The following UNC93A variants were observed in gnomAD, a reference collection of about 807,000 sequenced individuals.
UNC93A encodes unc-93 homolog A.
Under a neutral mutation model 47.5 loss-of-function variants are expected in UNC93A, and 43 were observed. The ratio of observed to expected loss-of-function variants is 0.91; its 90% confidence interval spans 0.71 to 1.17. The LOEUF (loss-of-function observed/expected upper bound fraction) is 1.17, where lower values mean the gene tolerates loss of function less well. Ranked by LOEUF, UNC93A falls within the 50% of genes most tolerant of loss-of-function variation. UNC93A has a pLI of 0.00. For missense variants in UNC93A, 605 were observed against 577.6 expected (o/e 1.05, Z -0.49); for synonymous variants, 280 against 258.0 (o/e 1.09, Z -0.82).
chr6:167,275,232 T>A (rs1783519714), intron 1 of UNC93A, among the ~76,000 whole-genome samples: 2 of 152,220 alleles, frequency 1.3e-5, no homozygotes, highest in Non-Finnish European at 2.9e-5. Flanking sequence ...GTTGGACCAG[T>A]TCAGCCTGTC....
chr6:167,275,136 G>A (rs1416427675), intron 1 of UNC93A, among the ~76,000 whole-genome samples: 1 of 152,158 alleles, frequency 6.6e-6, no homozygotes, highest in Non-Finnish European at 1.5e-5. Flanking sequence ...GTTGCATGCA[G>A]GAGACTTGGG....
At chr6:167,292,761 A>G (rs1783869780) in intron 1 of UNC93A, among the ~76,000 whole-genome samples, 2 of 152,136 alleles carry the variant, frequency 1.3e-5, no homozygotes, top group South Asian at 4.1e-4. Flanking sequence ...TGCATGTTGA[A>G]TGTGGTTGGT....
chr6:167,286,795 C>T (rs1171259514), upstream of UNC93A, among the ~76,000 whole-genome samples: 5 of 151,882 alleles, frequency 3.3e-5, no homozygotes, highest in Admixed American at 2.6e-4. Context: ...CTGGGCAACA[C>T]GGTGAAACCC....
At chr6:167,289,137 C>T (rs1436552553), upstream of UNC93A, among the ~76,000 whole-genome samples, 1 of 152,296 alleles carries the variant, frequency 6.6e-6, no homozygotes, top group African/African-American at 2.4e-5. Context: ...CTCTGAGAGC[C>T]AAGCCAGCTC....
Position 167,315,426 on chromosome 6 carries a change from G to C in UNC93A, c.1348G>C (p.Asp450His). ...HAPGQVNQAE[D>H]EEIQTKM ...TCCAGGACAGGTCAACCAGGCAGAG[G>C]ATGAAGAAATACAAACAAAAATGTG... Residue 450 changes from aspartate (D) to histidine (H), a missense_variant, in exon 8 of 8, where the codon GAT becomes CAT. Transcript: ENST00000230256. 6.2e-7 allele frequency: 1 copy of C among 1,613,962 alleles called. No individual in the cohort carries two copies. Among genetic ancestry groups the C allele is most frequent in the Non-Finnish European group, 8.5e-7 (1 of 1,179,872 alleles).
chr6:167,291,460 C>T lies in UNC93A; in HGVS notation c.-30C>T, dbSNP rs573022733. On this transcript the variant is annotated 5_prime_UTR_variant, in exon 1 of 8. Coordinates refer to ENST00000230256, the MANE Select transcript of UNC93A (RefSeq NM_018974.4). ...TTAGGGAGCTACAAATTTACGTGTTCACTGGTGATTGATCTTTTCATCCAG... is the reference window on the plus strand; with the variant it reads ...TTAGGGAGCTACAAATTTACGTGTTTACTGGTGATTGATCTTTTCATCCAG... 2.9e-4 allele frequency: 463 copies of T among 1,600,334 alleles called. 6 individuals are homozygous for T. In the South Asian group the frequency reaches 5.0e-3, roughly 17 times the overall value.
chr6:167,304,257 C>A, intron 5 of UNC93A, 124 bp downstream of exon 5: 1 of 1,055,472 alleles, frequency 9.5e-7, no homozygotes, highest in Admixed American at 1.9e-5. Context: ...CTGGAGGGAG[C>A]GGGGTCCTAT....
At chr6:167,283,424 G>T (rs1783666300) in intron 1 of UNC93A, among the ~76,000 whole-genome samples, 1 of 152,096 alleles carries the variant, frequency 6.6e-6, no homozygotes, top group Non-Finnish European at 1.5e-5. Context: ...TCCCATCGTG[G>T]CCTGAACTAG....
chr6:167,295,609 C>A (rs1243251767), intron 2 of UNC93A, among the ~76,000 whole-genome samples: 24 of 100,098 alleles, frequency 2.4e-4, no homozygotes, highest in African/African-American at 9.0e-4. Flanking sequence ...CTCCCTCGTG[C>A]TCCTCGCCTC....
At chr6:167,286,581 A>C (rs1487714916), upstream of UNC93A, among the ~76,000 whole-genome samples, 1 of 152,206 alleles carries the variant, frequency 6.6e-6, no homozygotes, top group Non-Finnish European at 1.5e-5. Context: ...TGGTTGTGAG[A>C]GCAAAGGCAC....
intron 5 of UNC93A, among the ~76,000 whole-genome samples, chr6:167,304,622 G>A (rs962715712): frequency 1.3e-5 from 2 of 151,812 alleles, no homozygotes; most frequent in Non-Finnish European, 2.9e-5. Context: ...CCAGGCTGGA[G>A]TGCAATGGCG....
upstream of UNC93A, among the ~76,000 whole-genome samples, chr6:167,269,600 A>G (rs1025995728): frequency 3.3e-5 from 5 of 152,012 alleles, no homozygotes; most frequent in Admixed American, 2.6e-4. Flanking sequence ...CTTTTTAAAA[A>G]ATTTTTATTT....
intron 2 of UNC93A, 32 bp downstream of exon 2, chr6:167,294,730 C>A (rs749177251): frequency 6.4e-7 from 1 of 1,559,050 alleles, no homozygotes; most frequent in South Asian, 1.2e-5. Flanking sequence ...CCCACCCCAC[C>A]CCGGCCGTTC....
intron 1 of UNC93A, among the ~76,000 whole-genome samples, chr6:167,274,981 C>T (rs1258602942): frequency 2.0e-5 from 3 of 152,152 alleles, no homozygotes; most frequent in Non-Finnish European, 4.4e-5. Context: ...CTGGTGTTAC[C>T]AGACGTGGCA....
intron 2 of UNC93A, 146 bp from the exon 3 acceptor site, chr6:167,295,886 C>T: frequency 1.5e-6 from 1 of 682,656 alleles, no homozygotes; most frequent in East Asian, 2.7e-5. Context: ...GTGAATCCAT[C>T]CATCCAACCA....
At chr6:167,275,052 C>A (rs1008063741) in intron 1 of UNC93A, among the ~76,000 whole-genome samples, 2 of 152,182 alleles carry the variant, frequency 1.3e-5, no homozygotes, top group African/African-American at 4.8e-5. Context: ...GGCAGCAACA[C>A]CACGTGGAAG....
upstream of UNC93A, among the ~76,000 whole-genome samples, chr6:167,270,008 G>C (rs1783424718): frequency 7.1e-6 from 1 of 140,010 alleles, no homozygotes; most frequent in Admixed American, 7.5e-5. Flanking sequence ...CTGGTAGAAA[G>C]CTGAGAAGTC....
chr6:167,309,719 G>C (rs1336558608), intron 7 of UNC93A, among the ~76,000 whole-genome samples: 2 of 152,006 alleles, frequency 1.3e-5, no homozygotes, highest in Non-Finnish European at 2.9e-5. Flanking sequence ...CTCCAGCCAC[G>C]TCCTTTCTTG....
At chr6:167,285,158 A>G (rs1260699937) in intron 1 of UNC93A, among the ~76,000 whole-genome samples, 4 of 151,822 alleles carry the variant, frequency 2.6e-5, no homozygotes, top group Non-Finnish European at 4.4e-5. Context: ...CCTGCCCGAG[A>G]GAGGGTGGCT....
Sources: allele counts gnomAD v4.1 joint callset (sites outside exome capture counted in the v4.1 genomes callset), GRCh38; gene constraint gnomAD v4.1.1; transcripts MANE v1.5; gene names NCBI Gene and HGNC (gene_info 2026-07-23, HGNC 2026-07-21).